Variants in TNFRSF1A observed in about 807,000 individuals in gnomAD.
The protein encoded by TNFRSF1A is TNF receptor superfamily member 1A, also known as tumor necrosis factor receptor superfamily member 1A.
In TNFRSF1A, 9 loss-of-function variants were observed where a neutral mutation model predicts 41.6. The observed-to-expected ratio is 0.22, with a 90% CI of 0.13 to 0.38. TNFRSF1A has a LOEUF of 0.38. Ranked by LOEUF, TNFRSF1A falls within the 10% of genes least tolerant of loss-of-function variation. The pLI is 1.00. For synonymous variants in TNFRSF1A, 254 were observed against 248.6 expected (o/e 1.02, Z -0.21); for missense variants, 463 against 591.5 (o/e 0.78, Z 2.25).
rs1948041128 is a variant in TNFRSF1A, at chr12:6,330,840, C to A, written c.625+13G>T. 6.2e-7 allele frequency: 1 copy of A among 1,612,538 alleles called. No homozygotes were observed. Among genetic ancestry groups the A allele is most frequent in the Admixed American group, 1.7e-5 (1 of 59,988 alleles). ...GGGCAGGTGAGCATGGGCACCAGGT[C>A]ACTTCTCCTCACCTGAGTCCTCAGT... is the stretch of plus-strand genomic sequence containing the variant. On this transcript the variant is annotated intron_variant, in intron 6 of 9. Transcript: ENST00000162749.
intron 1 of TNFRSF1A, among the ~76,000 whole-genome samples, chr12:6,339,939 T>C (rs1220142481): frequency 6.6e-6 from 1 of 151,976 alleles, no homozygotes; most frequent in East Asian, 1.9e-4. Context: ...TTCCCTTTGT[T>C]TTCCCTTTCC....
rs877249 is a variant in TNFRSF1A, at chr12:6,334,646, A to C, written c.40-402T>G. 0.13 allele frequency among the ~76,000 whole-genome samples: 19,204 copies of C among 152,016 alleles called. 3,946 individuals carry two copies. The highest frequency in any genetic ancestry group is 0.43 in the African/African-American group (17,782 of 41,380). On this transcript the variant is annotated intron_variant, in intron 1 of 9. Transcript: ENST00000162749. The surrounding 1 kb of genome is among the most constrained non-coding windows in gnomAD (Gnocchi z 5.1). ...CTGAATAGCTGGGACTACGGCCGTG[A>C]ACCACCATGCCCAGCTAATTTTTTT... is the stretch of plus-strand genomic sequence containing the variant.
chr12:6,331,254 G>GGC (rs1315549109), intron 5 of TNFRSF1A: 5 of 422,158 alleles, frequency 1.2e-5, no homozygotes, highest in African/African-American at 1.0e-4. Context: ...ATCACCACAG[G>GGC]GATCGCCCAC....
intron 1 of TNFRSF1A, among the ~76,000 whole-genome samples, chr12:6,340,660 G>A (rs1346527172): frequency 1.3e-5 from 2 of 152,188 alleles, no homozygotes; most frequent in African/African-American, 4.8e-5. Context: ...GCTCTGAGAA[G>A]TCTGAGGAGA....
chr12:6,335,012 A>G (rs1315418944), intron 1 of TNFRSF1A, among the ~76,000 whole-genome samples: 1 of 152,218 alleles, frequency 6.6e-6, no homozygotes, highest in Non-Finnish European at 1.5e-5. Context: ...GTAAACAATG[A>G]GGATCTATGC....
In TNFRSF1A at chr12:6,333,829, T is replaced by C; in HGVS notation, c.230A>G (p.Gln77Arg). The C allele has an allele frequency of 1.3e-6, 2 of 1,598,716 alleles. No individual in the cohort carries two copies. The highest frequency in any genetic ancestry group is 1.7e-6 in the Non-Finnish European group (2 of 1,172,126). Residue 77 changes from glutamine (Q) to arginine (R), a missense_variant, in exon 3 of 10, where the codon CAG (glutamine) becomes CGG (arginine). By Grantham distance (43) the Gln-to-Arg change is conservative. Coordinates refer to ENST00000162749, the MANE Select transcript of TNFRSF1A (RefSeq NM_001065.4). This position sits in a 1 kb window ranked among gnomAD's most constrained non-coding sequence, Gnocchi z 6.3. ...CTCACACTCCCTGCAGTCCGTATCC[T>C]GCCCCGGGCCTGGACAGTCATTGTA... ...YLYNDCPGPGQDTDCRECESG... is the reference protein window; with the variant it reads ...YLYNDCPGPGRDTDCRECESG...
At chr12:6,339,949 C>T (rs4149576) in intron 1 of TNFRSF1A, among the ~76,000 whole-genome samples, 49,074 of 151,816 alleles carry the variant, frequency 0.32, 9,336 homozygotes, top group Non-Finnish European at 0.43. Context: ...TTTCCCTTTC[C>T]TCCAGCTCCA....
At position 6,330,052 on chromosome 12, in the gene TNFRSF1A, T is replaced by A. The variant is rs747167733; in HGVS notation, c.783A>T (p.Gly261=). Residue 261 remains glycine, a synonymous_variant, in exon 9 of 10, where the codon GGA becomes GGT. Coordinates refer to ENST00000162749, the MANE Select transcript of TNFRSF1A (RefSeq NM_001065.4). ...TTGGGGCCAGGGGCTTAGTAGTAGT[T>A]CCTTCAAGCTCCCCCTGAAAGAGAG... ...STPEKEGELE[G]TTTKPLAPNP... is the part of the protein sequence containing the mutation. 6.2e-7 allele frequency: 1 copy of A among 1,612,782 alleles called. No homozygotes were observed. Among genetic ancestry groups the A allele is most frequent in the Admixed American group, 1.7e-5 (1 of 59,980 alleles).
Position 6,334,161 on chromosome 12 carries a change from A to C in TNFRSF1A, c.123T>G (p.Asp41Glu), listed in dbSNP as rs104895271. The change falls in exon 2 of 10, where the codon GAT becomes GAG. Residue 41 changes from aspartate to glutamate, a missense_variant. Physicochemically the swap from Asp to Glu is conservative, Grantham distance 45 (BLOSUM62 2). Transcript: ENST00000162749. The surrounding 1 kb of genome is among the most constrained non-coding windows in gnomAD (Gnocchi z 5.1). Reference sequence around the variant, plus strand: ...TATATTTTCCTTGGGGACACACACTATCTCTCTTCTCCCTGTCCCCTAGGT... The same window carrying C: ...TATATTTTCCTTGGGGACACACACTCTCTCTCTTCTCCCTGTCCCCTAGGT... ...VPHLGDREKR[D>E]SVCPQGKYIH... is the part of the protein sequence containing the mutation. The C allele has an allele frequency of 2.8e-4, 446 of 1,614,016 alleles. No homozygotes were observed. The highest frequency in any genetic ancestry group is 3.6e-4 in the Non-Finnish European group (422 of 1,180,016).
rs551199963 is a variant in TNFRSF1A, at chr12:6,342,021, G to T, written c.-207C>A. On this transcript the variant is annotated 5_prime_UTR_variant, in exon 1 of 10. Coordinates refer to ENST00000162749, the MANE Select transcript of TNFRSF1A (RefSeq NM_001065.4). ...GCCAGAACTGGAGCCTCAGTCCAGAGAATTCTGAGAAAATTAAAGCAGAGA... is the reference window on the plus strand; with the variant it reads ...GCCAGAACTGGAGCCTCAGTCCAGATAATTCTGAGAAAATTAAAGCAGAGA... The T allele has an allele frequency of 3.2e-6, 2 of 632,666 alleles. No individual in the cohort carries two copies. Among genetic ancestry groups the T allele is most frequent in the South Asian group, 3.4e-5 (2 of 58,332 alleles). The allele number at this position is 632,666 out of a possible 1,614,324, so 39.2% of individuals were successfully genotyped here. A position where few individuals can be genotyped will look rare whatever the true frequency, so the allele number is the denominator to read the frequency against.
At chr12:6,336,816 A>G (rs887477) in intron 1 of TNFRSF1A, among the ~76,000 whole-genome samples, 4 of 152,094 alleles carry the variant, frequency 2.6e-5, no homozygotes, top group South Asian at 2.1e-4. Flanking sequence ...AACACTCCCC[A>G]GTCCCAGCAG....
At position 6,337,223 on chromosome 12, in the gene TNFRSF1A, C is replaced by T. The variant is rs114623112; in HGVS notation, c.40-2979G>A. On this transcript the variant is annotated intron_variant, in intron 1 of 9. Transcript: ENST00000162749. This position sits in a 1 kb window ranked among gnomAD's most constrained non-coding sequence, Gnocchi z 4.6. ...CAGTAAGCCCAGTCCTCAGCAGTTG[C>T]GTAAATGAAGCAAAACAGGAGAAAC... Among the ~76,000 whole-genome samples the T allele has an allele frequency of 6.6e-6, 1 of 152,174 alleles. No individual in the cohort carries two copies. Among genetic ancestry groups the T allele is most frequent in the Non-Finnish European group, 1.5e-5 (1 of 68,040 alleles).
rs770439546 is a variant in TNFRSF1A, at chr12:6,333,804, C to T, written c.255G>A (p.Glu85=). The change falls in exon 3 of 10, where the codon GAG becomes GAA. Residue 85 remains glutamate, a synonymous_variant. Coordinates refer to ENST00000162749, the MANE Select transcript of TNFRSF1A (RefSeq NM_001065.4). The surrounding 1 kb of genome is among the most constrained non-coding windows in gnomAD (Gnocchi z 6.3). The part of the protein sequence containing the change: ...PGQDTDCREC[E]SGSFTASENH... Reference sequence around the variant, plus strand: ...TTTCTGAAGCGGTGAAGGAGCCGCTCTCACACTCCCTGCAGTCCGTATCCT... The same window carrying T: ...TTTCTGAAGCGGTGAAGGAGCCGCTTTCACACTCCCTGCAGTCCGTATCCT... The T allele has an allele frequency of 1.9e-6, 3 of 1,590,512 alleles. No homozygotes were observed. Among genetic ancestry groups the T allele is most frequent in the Admixed American group, 1.8e-5 (1 of 56,120 alleles).
At chr12:6,338,580 T>A (rs765041695) in intron 1 of TNFRSF1A, among the ~76,000 whole-genome samples, 66 of 46,980 alleles carry the variant, frequency 1.4e-3, no homozygotes, top group Middle Eastern at 0.012. Context: ...GCCTCACTAC[T>A]TTTTTTTTTT....
intron 1 of TNFRSF1A, among the ~76,000 whole-genome samples, chr12:6,335,168 G>A (rs1214309043): frequency 6.6e-6 from 1 of 152,156 alleles, no homozygotes; most frequent in East Asian, 1.9e-4. Flanking sequence ...ACCTCAATCT[G>A]CCTCCGCCCT....
Position 6,333,421 on chromosome 12 carries a change from G to A in TNFRSF1A, c.418C>T (p.Leu140Phe). ...AGGCTGCAATTGAAGCACTGGAAAAGGTTTTCACTCCAATAATGCCGGTAC... is the reference window on the plus strand; with the variant it reads ...AGGCTGCAATTGAAGCACTGGAAAAAGTTTTCACTCCAATAATGCCGGTAC... ...NQYRHYWSEN[L>F]FQCFNCSLCL... The change falls in exon 4 of 10, where the codon CTT (leucine) becomes TTT (phenylalanine). Residue 140 changes from leucine to phenylalanine, a missense_variant. Leu to Phe is a conservative substitution (Grantham distance 22). This residue lies in a region of TNFRSF1A where 149 missense variants were observed against 239.4 expected (regional missense o/e 0.62). Coordinates refer to ENST00000162749, the MANE Select transcript of TNFRSF1A (RefSeq NM_001065.4). This position sits in a 1 kb window ranked among gnomAD's most constrained non-coding sequence, Gnocchi z 6.3. 1 of 1,614,030 alleles carries A rather than the reference G, an allele frequency of 6.2e-7. No individual in the cohort carries two copies. The highest frequency in any genetic ancestry group is 8.5e-7 in the Non-Finnish European group (1 of 1,179,976).
chr12:6,333,267 C>T lies in TNFRSF1A; in HGVS notation c.472+100G>A. On this transcript the variant is annotated intron_variant, in intron 4 of 9. Coordinates refer to ENST00000162749, the MANE Select transcript of TNFRSF1A (RefSeq NM_001065.4). The surrounding 1 kb of genome is among the most constrained non-coding windows in gnomAD (Gnocchi z 6.3). ...AGAGAGGAGTTGGTTGTCAGACCCA[C>T]AGAATACAGGAGGGGGAAGGAAAGG... 1 of 1,556,336 alleles carries T rather than the reference C, an allele frequency of 6.4e-7. No homozygotes were observed. The highest frequency in any genetic ancestry group is 8.8e-7 in the Non-Finnish European group (1 of 1,140,076).
chr12:6,341,601 C>T lies in TNFRSF1A; in HGVS notation c.39+175G>A, dbSNP rs1948195676. Among the ~76,000 whole-genome samples, 1 of 152,248 alleles carries T rather than the reference C, an allele frequency of 6.6e-6. No homozygotes were observed. The highest frequency in any genetic ancestry group is 2.4e-5 in the African/African-American group (1 of 41,470). ...TCAGCGCAGCCCCTACTCCAAAAGG[C>T]GGATGAATGGGGAACCCCACACTGG... On this transcript the variant is annotated intron_variant, in intron 1 of 9. Coordinates refer to ENST00000162749, the MANE Select transcript of TNFRSF1A (RefSeq NM_001065.4). The surrounding 1 kb of genome is among the most constrained non-coding windows in gnomAD (Gnocchi z 4.6).
rs1948131484 is a variant in TNFRSF1A, at chr12:6,337,102, C to T, written c.40-2858G>A. On this transcript the variant is annotated intron_variant, in intron 1 of 9. Coordinates refer to ENST00000162749, the MANE Select transcript of TNFRSF1A (RefSeq NM_001065.4). This position sits in a 1 kb window ranked among gnomAD's most constrained non-coding sequence, Gnocchi z 4.6. ...GCCCTGCTTCCTAGGCTTCCCCTGG[C>T]CCCCAGAATGCTCCAGGTCAGCCCT... Among the ~76,000 whole-genome samples the T allele has an allele frequency of 6.6e-6, 1 of 152,230 alleles. No individual in the cohort carries two copies. The highest frequency in any genetic ancestry group is 1.5e-5 in the Non-Finnish European group (1 of 68,032).
Sources: allele counts gnomAD v4.1 joint callset (sites outside exome capture counted in the v4.1 genomes callset), GRCh38; gene constraint gnomAD v4.1.1; regional missense constraint gnomAD v4.1.1; non-coding constraint Gnocchi (gnomAD v3.1); transcripts MANE v1.5; gene names NCBI Gene and HGNC (gene_info 2026-07-23, HGNC 2026-07-21).